The following CCSER1 variants were observed in gnomAD, a reference collection of about 807,000 sequenced individuals.
CCSER1 encodes the protein serine-rich coiled-coil domain-containing protein 1.
In CCSER1, 41 loss-of-function variants were observed where a neutral mutation model predicts 82.0. The ratio of observed to expected loss-of-function variants is 0.50; its 90% CI spans 0.39 to 0.65. The LOEUF (loss-of-function observed/expected upper bound fraction) is 0.65. CCSER1 is among the 30% of genes least tolerant of loss of function. The pLI is 0.00. For missense variants in CCSER1, 1,119 were observed against 1,064.2 expected, an observed-to-expected ratio of 1.05 and a Z score of -0.72; for synonymous variants, 414 against 383.9, an observed-to-expected ratio of 1.08 and a Z score of -0.92.
intron 8 of CCSER1, among the ~76,000 whole-genome samples, chr4:90,826,158 T>C (rs1760411819): frequency 6.6e-6 from 1 of 152,214 alleles, no homozygotes; most frequent in African/African-American, 2.4e-5. Flanking sequence ...GGGATTTGGC[T>C]ATCACCTCTA....
chr4:90,302,640 A>C (rs980245467), intron 1 of CCSER1, among the ~76,000 whole-genome samples: 2 of 151,994 alleles, frequency 1.3e-5, no homozygotes, highest in Non-Finnish European at 2.9e-5. Flanking sequence ...GTCTCTATGA[A>C]ATTTTTTTTA....
chr4:91,286,156 G>A (rs2149210851), intron 10 of CCSER1, among the ~76,000 whole-genome samples: 1 of 151,620 alleles, frequency 6.6e-6, no homozygotes, highest in African/African-American at 2.4e-5. Context: ...ATGGAATTTA[G>A]CAACAGAGAG....
At chr4:91,516,348 A>G (rs922689911) in intron 10 of CCSER1, among the ~76,000 whole-genome samples, 1 of 152,124 alleles carries the variant, frequency 6.6e-6, no homozygotes, top group African/African-American at 2.4e-5. Flanking sequence ...TAGGTTTTAC[A>G]TTCAAGTTCT....
chr4:90,419,554 A>T (rs193202607), intron 4 of CCSER1, among the ~76,000 whole-genome samples: 2 of 151,978 alleles, frequency 1.3e-5, no homozygotes, highest in Admixed American at 1.3e-4. Flanking sequence ...GATGCTTCTA[A>T]TTTTATGTAC....
intron 10 of CCSER1, among the ~76,000 whole-genome samples, chr4:91,535,150 C>T (rs920283176): frequency 5.3e-5 from 8 of 151,838 alleles, no homozygotes; most frequent in African/African-American, 1.9e-4. Flanking sequence ...ATATTAATAA[C>T]TAATTTATAA....
intron 1 of CCSER1, among the ~76,000 whole-genome samples, chr4:90,283,660 T>C (rs2153461863): frequency 6.6e-6 from 1 of 152,198 alleles, no homozygotes; most frequent in Admixed American, 6.6e-5. Flanking sequence ...CCTCTTTATC[T>C]CTGCCTCCTT....
At chr4:90,671,072 T>G (rs1732705392) in intron 6 of CCSER1, among the ~76,000 whole-genome samples, 1 of 152,104 alleles carries the variant, frequency 6.6e-6, no homozygotes, top group Non-Finnish European at 1.5e-5. Context: ...AAAAATACTT[T>G]ATTGCTAAAG....
chr4:90,957,540 T>G (rs1407634722), intron 9 of CCSER1, among the ~76,000 whole-genome samples: 1 of 122,460 alleles, frequency 8.2e-6, no homozygotes, highest in Non-Finnish European at 1.6e-5. Context: ...TTATATATAT[T>G]ATATAATTAT....
At chr4:90,609,820 T>A (rs1432497123) in intron 5 of CCSER1, among the ~76,000 whole-genome samples, 1 of 152,214 alleles carries the variant, frequency 6.6e-6, no homozygotes, top group Non-Finnish European at 1.5e-5. Context: ...CAGTGGCATA[T>A]TAGAGTCATT....
chr4:91,443,390 T>C (rs1163154856), intron 10 of CCSER1, among the ~76,000 whole-genome samples: 3 of 151,040 alleles, frequency 2.0e-5, no homozygotes, highest in Non-Finnish European at 4.4e-5. Context: ...TCATTCTCAG[T>C]AAACTATCGC....
chr4:90,965,122 C>CA (rs1734436990), intron 9 of CCSER1, among the ~76,000 whole-genome samples: 1 of 152,072 alleles, frequency 6.6e-6, no homozygotes, highest in African/African-American at 2.4e-5. Context: ...AGGGCTTACT[C>CA]ATTGCAAAAA....
chr4:90,723,378 A>C (rs2149373333), intron 6 of CCSER1, among the ~76,000 whole-genome samples: 1 of 152,092 alleles, frequency 6.6e-6, no homozygotes, highest in Non-Finnish European at 1.5e-5. Context: ...AGAATAAAAG[A>C]AAGGTAAAAT....
At chr4:91,235,805 A>G (rs957293160) in intron 10 of CCSER1, among the ~76,000 whole-genome samples, 3 of 152,170 alleles carry the variant, frequency 2.0e-5, no homozygotes, top group Non-Finnish European at 4.4e-5. Flanking sequence ...AAATATAATT[A>G]TGTTTTCCCT....
intron 5 of CCSER1, among the ~76,000 whole-genome samples, chr4:90,504,494 T>C (rs892238789): frequency 6.6e-6 from 1 of 152,198 alleles, no homozygotes; most frequent in African/African-American, 2.4e-5. Context: ...CTGGGACTTT[T>C]CCACATGGCT....
At chr4:90,847,019 G>A (rs926231323) in intron 8 of CCSER1, among the ~76,000 whole-genome samples, 6 of 152,078 alleles carry the variant, frequency 3.9e-5, no homozygotes, top group African/African-American at 9.7e-5. Context: ...GGGTGTCTTC[G>A]TTCCCTCTGA....
At chr4:91,187,991 C>T (rs72669267) in intron 10 of CCSER1, among the ~76,000 whole-genome samples, 7,274 of 151,802 alleles carry the variant, frequency 0.048, 260 homozygotes, top group Non-Finnish European at 0.072. Flanking sequence ...CTTATGATTT[C>T]CCAATGCAGA....
chr4:91,477,922 G>T (rs1393842412), intron 10 of CCSER1, among the ~76,000 whole-genome samples: 1 of 151,644 alleles, frequency 6.6e-6, no homozygotes, highest in Non-Finnish European at 1.5e-5. Context: ...AAATAGAAAA[G>T]AAATCAAAAG....
At chr4:90,696,048 C>T (rs1478512905) in intron 6 of CCSER1, among the ~76,000 whole-genome samples, 1 of 152,018 alleles carries the variant, frequency 6.6e-6, no homozygotes. Context: ...TCATCGGTTA[C>T]ATTTCCAAAA....
intron 10 of CCSER1, among the ~76,000 whole-genome samples, chr4:91,285,595 T>A (rs1743220795): frequency 6.6e-6 from 1 of 151,852 alleles, no homozygotes; most frequent in Non-Finnish European, 1.5e-5. Flanking sequence ...AAAAGATGTA[T>A]GATTTCTGTA....
Sources: allele counts gnomAD v4.1 joint callset (sites outside exome capture counted in the v4.1 genomes callset), GRCh38; gene constraint gnomAD v4.1.1; transcripts MANE v1.5; gene names NCBI Gene and HGNC (gene_info 2026-07-23, HGNC 2026-07-21).